Variants in MARCO observed in about 807,000 individuals in gnomAD.
MARCO encodes macrophage receptor MARCO.
In MARCO, 72 loss-of-function variants were observed where a neutral mutation model predicts 70.0. That is an observed-to-expected ratio of 1.03 (90% confidence interval 0.85 to 1.25). The LOEUF (loss-of-function observed/expected upper bound fraction) is 1.25, where lower values mean the gene tolerates loss of function less well. MARCO is among the 50% of genes most tolerant of loss of function. The pLI is 0.00. For synonymous variants in MARCO, 273 were observed against 243.1 expected (o/e 1.12, Z -1.14); for missense variants, 696 against 659.3 (o/e 1.06, Z -0.61).
chr2:118,969,220 T>C lies in MARCO; in HGVS notation c.158T>C (p.Leu53Pro), dbSNP rs1208848705. Residue 53 changes from leucine to proline, a missense_variant, in exon 2 of 17, where the codon CTG (leucine) becomes CCG (proline). Physicochemically the swap from Leu to Pro is moderately conservative, Grantham distance 98. Transcript: ENST00000327097. ...NFSLAVVVIY[L>P]ILLTAGAGLL... Reference sequence around the variant, plus strand: ...TCCCTAGCTGTGGTGGTCATCTACCTGATCCTGCTCACCGCTGGCGCTGGG... The same window carrying C: ...TCCCTAGCTGTGGTGGTCATCTACCCGATCCTGCTCACCGCTGGCGCTGGG... 16 of 1,614,144 alleles carry C rather than the reference T, an allele frequency of 9.9e-6. No individual in the cohort carries two copies. The East Asian group carries it at 3.6e-4, about 36-fold the overall frequency.
At chr2:118,975,651 C>A (rs558849685) in intron 6 of MARCO, among the ~76,000 whole-genome samples, 5 of 152,184 alleles carry the variant, frequency 3.3e-5, no homozygotes, top group African/African-American at 1.2e-4. Flanking sequence ...CACTCACACT[C>A]ATGTCTGAGG....
chr2:118,945,409 T>A (rs1679577378), intron 1 of MARCO, among the ~76,000 whole-genome samples: 1 of 140,886 alleles, frequency 7.1e-6, no homozygotes, highest in Non-Finnish European at 1.5e-5. Context: ...TGTTTCTTTT[T>A]TTTTTTTTTT....
At chr2:118,962,712 G>C (rs527365712) in intron 1 of MARCO, among the ~76,000 whole-genome samples, 1 of 151,950 alleles carries the variant, frequency 6.6e-6, no homozygotes, top group Non-Finnish European at 1.5e-5. Flanking sequence ...TGTTTATTAC[G>C]ATATGCTGGT....
At chr2:118,954,661 C>T (rs1679794643) in intron 1 of MARCO, among the ~76,000 whole-genome samples, 1 of 152,212 alleles carries the variant, frequency 6.6e-6, no homozygotes, top group Non-Finnish European at 1.5e-5. Flanking sequence ...CTCACAGAGT[C>T]CACTGCACCC....
intron 2 of MARCO, 128 bp from the exon 3 acceptor site, chr2:118,969,986 C>T: frequency 1.2e-6 from 1 of 802,990 alleles, no homozygotes; most frequent in South Asian, 1.6e-5. Context: ...ACGCTAGGTC[C>T]TGACAGCACA....
intron 1 of MARCO, among the ~76,000 whole-genome samples, chr2:118,952,424 G>A (rs938116227): frequency 1.5e-4 from 23 of 152,168 alleles, no homozygotes; most frequent in African/African-American, 5.5e-4. Flanking sequence ...TCCGCCCTAA[G>A]CCATATGAGG....
At chr2:118,989,369 G>A (rs1227726052) in intron 12 of MARCO, among the ~76,000 whole-genome samples, 1 of 152,150 alleles carries the variant, frequency 6.6e-6, no homozygotes, top group Non-Finnish European at 1.5e-5. Flanking sequence ...CCTAACACGA[G>A]GAACAGAAGT....
intron 1 of MARCO, among the ~76,000 whole-genome samples, chr2:118,947,628 C>A (rs553192101): frequency 6.6e-6 from 1 of 152,228 alleles, no homozygotes; most frequent in African/African-American, 2.4e-5. Context: ...ACACCTTTGT[C>A]AAAAACAACT....
At chr2:118,978,663 C>G (rs1030857296) in intron 8 of MARCO, among the ~76,000 whole-genome samples, 10 of 152,152 alleles carry the variant, frequency 6.6e-5, no homozygotes, top group African/African-American at 2.4e-4. Flanking sequence ...CCCTTCTGAG[C>G]TTTAATGTTC....
chr2:118,977,565 C>A, intron 7 of MARCO, 50 bp downstream of exon 7: 2 of 1,550,134 alleles, frequency 1.3e-6, no homozygotes, highest in Non-Finnish European at 1.8e-6. Context: ...GCCTGAGGCA[C>A]TGAGGCAGTT....
intron 1 of MARCO, among the ~76,000 whole-genome samples, chr2:118,954,278 A>G (rs1421811873): frequency 6.6e-6 from 1 of 152,112 alleles, no homozygotes; most frequent in Non-Finnish European, 1.5e-5. Flanking sequence ...GAGCTGGGTG[A>G]GGCCTGTGAC....
rs367715327 is a variant in MARCO at position 118,974,585 on chromosome 2, G to T, written c.613+20G>T. On this transcript the variant is annotated intron_variant, in intron 6 of 16. Coordinates refer to ENST00000327097, the MANE Select transcript of MARCO (RefSeq NM_006770.4). ...AGGCGGGTGAGTAGGTGCTGGGTAT[G>T]TACCCAGAAATACACAGCAAGTTTC... 1.1e-3 allele frequency: 1,695 copies of T among 1,608,648 alleles called. 2 individuals carry two copies. The highest frequency in any genetic ancestry group is 1.3e-3 in the Non-Finnish European group (1,498 of 1,177,616).
At position 118,981,476 on chromosome 2, in the gene MARCO, T is replaced by C. The variant is rs1009244315; in HGVS notation, c.834T>C (p.Ser278=). The C allele has an allele frequency of 6.3e-7, 1 of 1,598,294 alleles. No individual in the cohort carries two copies. Among genetic ancestry groups the C allele is most frequent in the Non-Finnish European group, 8.5e-7 (1 of 1,176,612 alleles). The stretch of plus-strand genomic sequence containing the variant: ...TGGGGCCTCCTGGAGCCCAGGGGAG[T>C]AAAGGTGACTTCGGGAGGCCAGGCC... The part of the protein sequence containing the change: ...GVMGPPGAQG[S]KGDFGRPGPP... Residue 278 remains serine, a synonymous_variant, in exon 9 of 17, where the codon AGT becomes AGC. Coordinates refer to ENST00000327097, the MANE Select transcript of MARCO (RefSeq NM_006770.4).
At chr2:118,987,522 T>C (rs938971443) in intron 12 of MARCO, among the ~76,000 whole-genome samples, 17 of 152,188 alleles carry the variant, frequency 1.1e-4, no homozygotes, top group Admixed American at 9.2e-4. Context: ...AGGTCCAACC[T>C]CTGCTATAGG....
intron 1 of MARCO, chr2:118,952,841 G>T (rs955039973): frequency 5.3e-5 from 8 of 152,128 alleles, no homozygotes; most frequent in African/African-American, 1.9e-4. Context: ...CACCAAAATT[G>T]TTAGAAATAT....
chr2:118,966,062 T>C (rs1003764573), intron 1 of MARCO, among the ~76,000 whole-genome samples: 6 of 152,230 alleles, frequency 3.9e-5, no homozygotes, highest in Middle Eastern at 3.4e-3. Context: ...CCCCAGGAGG[T>C]GGCAGACCTG....
intron 14 of MARCO, 64 bp from the exon 15 acceptor site, chr2:118,992,368 A>C: frequency 7.1e-7 from 1 of 1,399,938 alleles, no homozygotes; most frequent in South Asian, 1.2e-5. Context: ...CACTCATGCA[A>C]ATGCAGGCAA....
intron 1 of MARCO, among the ~76,000 whole-genome samples, chr2:118,963,529 T>C (rs752760046): frequency 1.3e-5 from 2 of 152,108 alleles, no homozygotes; most frequent in Non-Finnish European, 1.5e-5. Flanking sequence ...TTTTGGTGTA[T>C]GTTCCATGTG....
rs1680600209 is a variant in MARCO, at chr2:118,990,537, A to C, written c.1064-52A>C. 4.5e-6 allele frequency: 7 copies of C among 1,568,072 alleles called. No homozygotes were observed. The East Asian group carries it at 1.6e-4, about 35-fold the overall frequency. ...GGTTGTCTAAGATTAAAAATGTCTA[A>C]TACCTAAGTTTTATTATCTCCTCCC... On this transcript the variant is annotated intron_variant, in intron 12 of 16. Coordinates refer to ENST00000327097, the MANE Select transcript of MARCO (RefSeq NM_006770.4).
Sources: allele counts gnomAD v4.1 joint callset (sites outside exome capture counted in the v4.1 genomes callset), GRCh38; gene constraint gnomAD v4.1.1; transcripts MANE v1.5; gene names NCBI Gene and HGNC (gene_info 2026-07-23, HGNC 2026-07-21).